Variants in TRIM33 observed in about 807,000 individuals in gnomAD.
TRIM33 encodes the protein tripartite motif containing 33.
TRIM33 carries 20 observed loss-of-function variants against 125.4 expected under a neutral mutation model. The ratio of observed to expected loss-of-function variants is 0.16; its 90% CI spans 0.11 to 0.23. TRIM33 has a LOEUF of 0.23. Ranked by LOEUF, TRIM33 falls within the 10% of genes least tolerant of loss-of-function variation. TRIM33 has a pLI of 1.00. For missense variants in TRIM33, 920 were observed against 1,411.4 expected (o/e 0.65, Z 5.58); for synonymous variants, 564 against 513.9 (o/e 1.10, Z -1.32).
chr1:114,431,234 G>A (rs1647930398), intron 5 of TRIM33, among the ~76,000 whole-genome samples: 1 of 152,258 alleles, frequency 6.6e-6, no homozygotes, highest in Non-Finnish European at 1.5e-5. Flanking sequence ...AGTGTCAAAT[G>A]TGGCACATTG....
chr1:114,410,414 C>G (rs1652512093), intron 11 of TRIM33, 98 bp from the exon 12 acceptor site: 1 of 1,194,032 alleles, frequency 8.4e-7, no homozygotes, highest in East Asian at 2.5e-5. Context: ...AATAAACTAA[C>G]AGATTATCCA....
Position 114,394,731 on chromosome 1 carries a change from C to T in TRIM33, c.*2917G>A, listed in dbSNP as rs1417331210. 1 of 201,296 alleles carries T rather than the reference C, an allele frequency of 5.0e-6. No homozygotes were observed. The highest frequency in any genetic ancestry group is 1.0e-5 in the Non-Finnish European group (1 of 97,706). 12.5% of individuals were successfully genotyped at this position (201,296 alleles called of 1,614,324 possible). A position where few individuals can be genotyped will look rare whatever the true frequency, so the allele number is the denominator to read the frequency against. ...ATATAGAGCACGACCTACAATCTAA[C>T]CATACTTTAGAACTTTCACATGCTT... is the stretch of plus-strand genomic sequence containing the variant. On this transcript the variant is annotated 3_prime_UTR_variant, in exon 20 of 20. Transcript: ENST00000358465.
intron 1 of TRIM33, among the ~76,000 whole-genome samples, chr1:114,473,741 G>A (rs544700897): frequency 1.1e-4 from 17 of 152,070 alleles, no homozygotes; most frequent in African/African-American, 4.1e-4. Flanking sequence ...ACATAAGGAG[G>A]AACCAATGAA....
chr1:114,405,786 G>C, intron 14 of TRIM33, 27 bp from the exon 15 acceptor site: 4 of 1,558,852 alleles, frequency 2.6e-6, no homozygotes, highest in Non-Finnish European at 3.5e-6. Flanking sequence ...ACAAATTCTT[G>C]AAGAATCATT....
intron 1 of TRIM33, among the ~76,000 whole-genome samples, chr1:114,491,714 G>C (rs1471084239): frequency 6.6e-6 from 1 of 152,128 alleles, no homozygotes; most frequent in African/African-American, 2.4e-5. Flanking sequence ...TGAGGTGAAA[G>C]GATCACTTGA....
rs115112952 is a variant in TRIM33 at position 114,405,716 on chromosome 1, T to C, written c.2462A>G (p.Asn821Ser). The change falls in exon 15 of 20, where the codon AAC becomes AGC. Residue 821 changes from asparagine (N) to serine (S), a missense_variant. Asn to Ser is a conservative substitution (Grantham distance 46). Around this residue, in one of 8 missense-constraint regions of TRIM33, gnomAD observed 407 missense variants for 589.7 expected, o/e 0.69. Transcript: ENST00000358465. ...ATCCAATTCACTTTCTAGATGCAGGTTGGTTGAGAGAGGTGGTGTCAAGCT... is the reference window on the plus strand; with the variant it reads ...ATCCAATTCACTTTCTAGATGCAGGCTGGTTGAGAGAGGTGGTGTCAAGCT... ...ESSLTPPLST[N>S]LHLESELDAL... is the part of the protein sequence containing the mutation. 254 of 1,614,168 alleles carry C rather than the reference T, an allele frequency of 1.6e-4. 1 individual carries two copies. In the African/African-American group the frequency reaches 2.9e-3, roughly 18 times the overall value.
intron 4 of TRIM33, among the ~76,000 whole-genome samples, chr1:114,449,520 G>A (rs1249305322): frequency 6.6e-6 from 1 of 152,136 alleles, no homozygotes; most frequent in Non-Finnish European, 1.5e-5. Context: ...TGATAATGAT[G>A]GAGAGGCTGC....
At position 114,428,170 on chromosome 1, in the gene TRIM33, T is replaced by C. The variant is rs4839009; in HGVS notation, c.1156-276A>G. Among the ~76,000 whole-genome samples the C allele has an allele frequency of 6.0e-3, 919 of 152,310 alleles. 10 individuals are homozygous for C. The highest frequency in any genetic ancestry group is 0.058 in the Middle Eastern group (17 of 294). ...CAACATGTCTGTTAAAAATAGTGTC[T>C]TCCTATTAGATTAATCTAATATATG... On this transcript the variant is annotated intron_variant, in intron 6 of 19. Coordinates refer to ENST00000358465, the MANE Select transcript of TRIM33 (RefSeq NM_015906.4).
intron 1 of TRIM33, among the ~76,000 whole-genome samples, chr1:114,508,202 T>G (rs780114731): frequency 6.6e-6 from 1 of 152,142 alleles, no homozygotes; most frequent in African/African-American, 2.4e-5. Flanking sequence ...TTACTTAAGA[T>G]TGACAGCATT....
chr1:114,466,736 C>T (rs1410406594), intron 1 of TRIM33, among the ~76,000 whole-genome samples: 1 of 152,202 alleles, frequency 6.6e-6, no homozygotes, highest in African/African-American at 2.4e-5. Context: ...TTGCACCATG[C>T]ACCTTTTCTC....
At chr1:114,473,181 C>T (rs12082107) in intron 1 of TRIM33, among the ~76,000 whole-genome samples, 2,196 of 149,284 alleles carry the variant, frequency 0.015, 43 homozygotes, top group African/African-American at 0.052. Flanking sequence ...GGTGTGAACT[C>T]GGGAGGCGGA....
At chr1:114,469,116 T>G (rs1166653340) in intron 1 of TRIM33, 1 of 230,138 alleles carries the variant, frequency 4.3e-6, no homozygotes, top group Admixed American at 6.0e-5. Context: ...AGAAGATATA[T>G]TAAGGAATAC....
chr1:114,461,443 C>G (rs1212828259), intron 4 of TRIM33, among the ~76,000 whole-genome samples: 1 of 151,304 alleles, frequency 6.6e-6, no homozygotes, highest in Non-Finnish European at 1.5e-5. Context: ...GGCGACAGAA[C>G]TGAACTGAAT....
chr1:114,503,106 A>G (rs1308719120), intron 1 of TRIM33, among the ~76,000 whole-genome samples: 5 of 152,232 alleles, frequency 3.3e-5, no homozygotes, highest in Non-Finnish European at 7.3e-5. Context: ...AAAACTTAAG[A>G]AGAATATTTA....
chr1:114,403,649 T>A (rs1476093125), intron 15 of TRIM33, among the ~76,000 whole-genome samples: 1 of 152,152 alleles, frequency 6.6e-6, no homozygotes, highest in Non-Finnish European at 1.5e-5. Context: ...GCAATTCTCA[T>A]GCCTCAGCCT....
At chr1:114,480,076 T>C (rs144590751) in intron 1 of TRIM33, among the ~76,000 whole-genome samples, 1,559 of 152,262 alleles carry the variant, frequency 0.01, 25 homozygotes, top group African/African-American at 0.035. Context: ...AATCAGATCG[T>C]TGCTGTGTCT....
At chr1:114,493,479 C>T (rs1250921917) in intron 1 of TRIM33, among the ~76,000 whole-genome samples, 1 of 152,176 alleles carries the variant, frequency 6.6e-6, no homozygotes, top group African/African-American at 2.4e-5. Context: ...GAGACAGGAT[C>T]TCACTATGTT....
chr1:114,404,467 AC>A (rs1319354244), intron 15 of TRIM33: 1 of 152,016 alleles, frequency 6.6e-6, no homozygotes, highest in Non-Finnish European at 1.5e-5. Context: ...ACATTTTACA[AC>A]CCTTTCAAAG....
rs150522094 is a variant in TRIM33, at chr1:114,475,093, G to C, written c.527-10705C>G. Among the ~76,000 whole-genome samples, 447 of 152,040 alleles carry C rather than the reference G, an allele frequency of 2.9e-3. 2 individuals carry two copies. Among genetic ancestry groups the C allele is most frequent in the African/African-American group, 0.01 (429 of 41,458 alleles). ...AAGAAAAATCTGGCAAAACTGAAGG[G>C]AGACAAACAGAAATGAACATGAAGA... is the stretch of plus-strand genomic sequence containing the variant. On this transcript the variant is annotated intron_variant, in intron 1 of 19. Coordinates refer to ENST00000358465, the MANE Select transcript of TRIM33 (RefSeq NM_015906.4).
Sources: allele counts gnomAD v4.1 joint callset (sites outside exome capture counted in the v4.1 genomes callset), GRCh38; gene constraint gnomAD v4.1.1; regional missense constraint gnomAD v4.1.1; transcripts MANE v1.5; gene names NCBI Gene and HGNC (gene_info 2026-07-23, HGNC 2026-07-21).